The following SUCO variants were observed in gnomAD, a reference collection of about 807,000 sequenced individuals.
SUCO encodes SUN domain-containing ossification factor.
In SUCO, 57 loss-of-function variants were observed where a neutral mutation model predicts 148.1. That is an observed-to-expected ratio of 0.38 (90% CI 0.31 to 0.48). SUCO has a LOEUF of 0.48. Among genes scored for constraint, SUCO ranks in the 20% least tolerant of loss-of-function variants. The pLI is 0.96. For synonymous variants in SUCO, 470 were observed against 502.7 expected (o/e 0.93, Z 0.87); for missense variants, 1,331 against 1,468.2 (o/e 0.91, Z 1.53).
At chr1:172,608,997 A>C (rs1166064852) in intron 23 of SUCO, among the ~76,000 whole-genome samples, 195 bp downstream of exon 23, 1 of 152,124 alleles carries the variant, frequency 6.6e-6, no homozygotes, top group Admixed American at 6.6e-5. Context: ...GCCATGAGCC[A>C]GATAGGTTTT....
At chr1:172,582,988 CA>C (rs560180066) in intron 15 of SUCO, among the ~76,000 whole-genome samples, 37 of 152,116 alleles carry the variant, frequency 2.4e-4, no homozygotes, top group African/African-American at 8.4e-4. Context: ...TAATGAATGT[CA>C]AAAAATTCGA....
chr1:172,575,490 A>G (rs1010684906), intron 10 of SUCO, 28 bp from the exon 11 acceptor site: 6 of 1,494,792 alleles, frequency 4.0e-6, no homozygotes, highest in African/African-American at 1.4e-5. Context: ...TAATTTTTAA[A>G]AAAGAACATA....
At chr1:172,608,343 T>G (rs951858431) in intron 22 of SUCO, 2 of 199,154 alleles carry the variant, frequency 1.0e-5, no homozygotes, top group African/African-American at 4.8e-5. Context: ...TGTGACACAG[T>G]TTAGAGGCTA....
rs752586486 is a variant in SUCO, at chr1:172,585,018, A to G, written c.1499A>G (p.Asn500Ser). Residue 500 changes from asparagine to serine, a missense_variant and splice_region_variant, in exon 16 of 24, where the codon AAT becomes AGT. Coordinates refer to ENST00000263688, the MANE Select transcript of SUCO (RefSeq NM_014283.5). ...SSKNLLGSATNAILNMVNIAA... is the reference protein window; with the variant it reads ...SSKNLLGSATSAILNMVNIAA... ...TTTTTCTGATTGAATTTTGTTTTAG[A>G]TGCCATTCTAAATATGGTGAATATT... 15 of 1,595,420 alleles carry G rather than the reference A, an allele frequency of 9.4e-6. No individual in the cohort carries two copies. The highest frequency in any genetic ancestry group is 1.3e-5 in the Non-Finnish European group (15 of 1,170,008).
intron 6 of SUCO, among the ~76,000 whole-genome samples, chr1:172,565,635 T>C (rs1299876597): frequency 6.6e-6 from 1 of 152,184 alleles, no homozygotes; most frequent in East Asian, 1.9e-4. Context: ...GGTCACAGAA[T>C]GTGACTGTGG....
At chr1:172,593,575 A>T (rs1376483010) in intron 19 of SUCO, among the ~76,000 whole-genome samples, 2 of 152,174 alleles carry the variant, frequency 1.3e-5, no homozygotes, top group African/African-American at 4.8e-5. Context: ...GATGGATTAC[A>T]TTTATTGATT....
intron 1 of SUCO, among the ~76,000 whole-genome samples, chr1:172,545,443 A>G (rs1652784412): frequency 6.6e-6 from 1 of 152,210 alleles, no homozygotes; most frequent in Non-Finnish European, 1.5e-5. Context: ...TAAATAGTGA[A>G]CAGAAGCAGC....
intron 6 of SUCO, among the ~76,000 whole-genome samples, chr1:172,562,206 C>CA (rs1033583228): frequency 6.7e-6 from 1 of 149,384 alleles, no homozygotes; most frequent in Non-Finnish European, 1.5e-5. Flanking sequence ...CAGGAGCTCA[C>CA]AAAAAAAGCT....
rs1655540057 is a variant in SUCO, at chr1:172,577,552, A to T, written c.1277A>T (p.Tyr426Phe). 1 of 1,610,982 alleles carries T rather than the reference A, an allele frequency of 6.2e-7. No homozygotes were observed. Among genetic ancestry groups the T allele is most frequent in the Admixed American group, 1.7e-5 (1 of 59,872 alleles). Residue 426 changes from tyrosine (Y) to phenylalanine (F), a missense_variant, in exon 12 of 24, where the codon TAC becomes TTC. Tyr to Phe is a conservative substitution (Grantham distance 22, BLOSUM62 3). This residue lies in a region of SUCO where 992 missense variants were observed against 1,093.5 expected (regional missense o/e 0.91). Transcript: ENST00000263688. ...CTCTTGCTTCAGATGTTCATCAAGT[A>T]CATAAAGGTTAGCAACCTTCTCTTT... ...YAKYVKMFIKYIKVELLSHFG... is the reference protein window; with the variant it reads ...YAKYVKMFIKFIKVELLSHFG...
At chr1:172,609,112 T>C in intron 23 of SUCO, 4 of 474,394 alleles carry the variant, frequency 8.4e-6, no homozygotes, top group Non-Finnish European at 1.1e-5. Flanking sequence ...AAAAAATTTG[T>C]TGATCCTTGG....
At chr1:172,565,988 G>A (rs930560349) in intron 6 of SUCO, among the ~76,000 whole-genome samples, 1 of 152,198 alleles carries the variant, frequency 6.6e-6, no homozygotes, top group African/African-American at 2.4e-5. Flanking sequence ...TGGGATTTGG[G>A]TCTTCATCCA....
At chr1:172,602,539 AT>A (rs988022619) in intron 21 of SUCO, 156 bp from the exon 22 acceptor site, 11 of 981,864 alleles carry the variant, frequency 1.1e-5, no homozygotes, top group South Asian at 4.7e-5. Flanking sequence ...AGATCTCTAA[AT>A]TTTTTTTTCC....
rs1374290283 is a variant in SUCO, at chr1:172,573,958, T to G, written c.1117T>G (p.Ser373Ala). The G allele has an allele frequency of 6.2e-7, 1 of 1,600,380 alleles. No individual in the cohort carries two copies. Among genetic ancestry groups the G allele is most frequent in the Non-Finnish European group, 8.5e-7 (1 of 1,169,802 alleles). ...QLDIANYELF[S>A]STPKDFLVSI... ...TGATATTGCAAATTATGAATTATTT[T>G]CTTCTACTCCTAAAGATTTTCTGGT... Residue 373 changes from serine to alanine, a missense_variant, in exon 10 of 24, where the codon TCT (serine) becomes GCT (alanine). Coordinates refer to ENST00000263688, the MANE Select transcript of SUCO (RefSeq NM_014283.5).
At chr1:172,571,705 C>T (rs1655009923) in intron 9 of SUCO, among the ~76,000 whole-genome samples, 1 of 91,752 alleles carries the variant, frequency 1.1e-5, no homozygotes, top group Non-Finnish European at 2.1e-5. Flanking sequence ...GCGCCTCTGC[C>T]CCGCCGCCCC....
At chr1:172,576,082 T>A in intron 11 of SUCO, among the ~76,000 whole-genome samples, 1 of 151,858 alleles carries the variant, frequency 6.6e-6, no homozygotes, top group East Asian at 1.9e-4. Context: ...AAATGAAATA[T>A]TCTGTGTCCA....
chr1:172,609,395 G>A (rs763955841), intron 23 of SUCO: 50 of 958,934 alleles, frequency 5.2e-5, no homozygotes, highest in Non-Finnish European at 5.8e-5. Flanking sequence ...TTCTCAACCC[G>A]GCTGCTTACT....
chr1:172,588,480 A>C (rs1656390655), intron 17 of SUCO: 1 of 985,222 alleles, frequency 1.0e-6, no homozygotes, highest in Non-Finnish European at 1.2e-6. Context: ...CTTAGAAACA[A>C]TTCTTAAACA....
chr1:172,604,521 A>C (rs1657734798), intron 22 of SUCO, among the ~76,000 whole-genome samples: 1 of 151,740 alleles, frequency 6.6e-6, no homozygotes, highest in African/African-American at 2.4e-5. Flanking sequence ...TCTTTTTCTT[A>C]TTGTGATAAA....
rs539616596 is a variant in SUCO, at chr1:172,600,075, A to G, written c.2925A>G (p.Gln975=). 25 of 1,604,258 alleles carry G rather than the reference A, an allele frequency of 1.6e-5. No homozygotes were observed. The highest frequency in any genetic ancestry group is 2.1e-5 in the Non-Finnish European group (25 of 1,177,686). ...TTCCTTTATCATAGGATCAGCGGCA[A>G]ACTGAAGCCATCCAGTTGCTACAGG... is the stretch of plus-strand genomic sequence containing the variant. ...SRIAEEQDQR[Q]TEAIQLLQAQ... is the part of the protein sequence containing the mutation. Residue 975 remains glutamine (Q), a synonymous_variant, in exon 20 of 24, where the codon CAA becomes CAG. Transcript: ENST00000263688.
Sources: allele counts gnomAD v4.1 joint callset (sites outside exome capture counted in the v4.1 genomes callset), GRCh38; gene constraint gnomAD v4.1.1; regional missense constraint gnomAD v4.1.1; transcripts MANE v1.5; gene names NCBI Gene and HGNC (gene_info 2026-07-23, HGNC 2026-07-21).